The following CADM2 variants were observed in gnomAD, a reference collection of about 807,000 sequenced individuals.
CADM2 encodes cell adhesion molecule 2, also known as immunoglobulin superfamily member 4D.
In CADM2, 12 loss-of-function variants were observed where a neutral mutation model predicts 49.8. The ratio of observed to expected loss-of-function variants is 0.24; its 90% CI spans 0.15 to 0.39. CADM2 has a LOEUF of 0.39. Among genes scored for constraint, CADM2 ranks in the 10% least tolerant of loss-of-function variants. CADM2 has a pLI of 1.00. For synonymous variants in CADM2, 214 were observed against 175.4 expected (o/e 1.22, Z -1.74); for missense variants, 378 against 492.3 (o/e 0.77, Z 2.20).
chr3:85,803,433 G>T (rs1443111862), intron 3 of CADM2, among the ~76,000 whole-genome samples: 2 of 151,956 alleles, frequency 1.3e-5, no homozygotes, highest in Non-Finnish European at 2.9e-5. Flanking sequence ...ATGAACCAGG[G>T]ATAAAGGAAC....
chr3:85,835,876 T>A (rs2074388448), intron 3 of CADM2, among the ~76,000 whole-genome samples: 1 of 150,844 alleles, frequency 6.6e-6, no homozygotes, highest in South Asian at 2.1e-4. Context: ...TCTCATTAAT[T>A]AGGTCTTTTC....
At chr3:84,986,812 G>A (rs2032589097) in intron 1 of CADM2, among the ~76,000 whole-genome samples, 1 of 151,830 alleles carries the variant, frequency 6.6e-6, no homozygotes, top group East Asian at 2.0e-4. Flanking sequence ...TTGACTTTGG[G>A]AGCTTGAGGC....
At chr3:85,340,542 CAT>C (rs749465133) in intron 1 of CADM2, among the ~76,000 whole-genome samples, 4 of 151,284 alleles carry the variant, frequency 2.6e-5, no homozygotes, top group Non-Finnish European at 5.9e-5. Flanking sequence ...ATATTGAAAA[CAT>C]GTTTCTATTA....
intron 1 of CADM2, among the ~76,000 whole-genome samples, chr3:85,308,337 A>G (rs1265139121): frequency 6.7e-6 from 1 of 148,644 alleles, no homozygotes; most frequent in Non-Finnish European, 1.5e-5. Flanking sequence ...ACACACACAC[A>G]CACAACACTC....
At chr3:85,766,982 G>T (rs2069687999) in intron 2 of CADM2, among the ~76,000 whole-genome samples, 1 of 152,042 alleles carries the variant, frequency 6.6e-6, no homozygotes, top group African/African-American at 2.4e-5. Context: ...AGCTCCCACA[G>T]GGTATGAAAC....
intron 1 of CADM2, among the ~76,000 whole-genome samples, chr3:85,382,496 A>T (rs898467357): frequency 6.6e-6 from 1 of 152,186 alleles, no homozygotes; most frequent in African/African-American, 2.4e-5. Context: ...CTGACTCATG[A>T]TTACCGCATA....
chr3:85,394,680 T>G (rs879335302), intron 1 of CADM2, among the ~76,000 whole-genome samples: 4 of 152,208 alleles, frequency 2.6e-5, no homozygotes, highest in Non-Finnish European at 4.4e-5. Flanking sequence ...TTTTGTATTC[T>G]CTTCCTTGGA....
At chr3:85,358,072 G>A (rs1051566016) in intron 1 of CADM2, among the ~76,000 whole-genome samples, 2 of 152,032 alleles carry the variant, frequency 1.3e-5, no homozygotes, top group Non-Finnish European at 2.9e-5. Context: ...TGACATTTTG[G>A]CAGGAATATT....
chr3:85,453,754 A>C (rs1170184278), intron 1 of CADM2, among the ~76,000 whole-genome samples: 2 of 152,308 alleles, frequency 1.3e-5, no homozygotes, highest in East Asian at 3.9e-4. Context: ...GTATGAAATA[A>C]TTAGATTTAA....
At chr3:85,331,252 G>T (rs570028754) in intron 1 of CADM2, among the ~76,000 whole-genome samples, 1 of 151,672 alleles carries the variant, frequency 6.6e-6, no homozygotes, top group South Asian at 2.1e-4. Context: ...TTTTGTAAAC[G>T]TTAACCATTC....
In CADM2 at chr3:85,093,665, A is replaced by G. The variant is rs184071773; in HGVS notation, c.61+133997A>G. ...CTATAAAATAATATTTCCGAGCACT[A>G]GCCCAAAGTATTGCTCTTATGGCTA... is the stretch of plus-strand genomic sequence containing the variant. On this transcript the variant is annotated intron_variant, in intron 1 of 9. Transcript: ENST00000383699. 3.7e-3 allele frequency among the ~76,000 whole-genome samples: 562 copies of G among 152,284 alleles called. 6 individuals carry two copies. The highest frequency in any genetic ancestry group is 0.013 in the African/African-American group (530 of 41,564).
chr3:85,956,572 A>G lies in CADM2; in HGVS notation c.792-4897A>G, dbSNP rs543211134. 3.3e-5 allele frequency among the ~76,000 whole-genome samples: 5 copies of G among 151,694 alleles called. No homozygotes were observed. The South Asian group carries it at 1.0e-3, about 31-fold the overall frequency. ...AGGATCAAGAATTCTTGAAGGATTT[A>G]GATCAGTGTCAGCAAAGACTTACAC... On this transcript the variant is annotated intron_variant, in intron 7 of 9. Transcript: ENST00000383699.
At chr3:85,002,802 T>C (rs1386628024) in intron 1 of CADM2, among the ~76,000 whole-genome samples, 1 of 152,086 alleles carries the variant, frequency 6.6e-6, no homozygotes, top group African/African-American at 2.4e-5. Flanking sequence ...TTCTTTTTAT[T>C]AGAGACAGGG....
At chr3:85,059,647 G>A (rs1037202913) in intron 1 of CADM2, among the ~76,000 whole-genome samples, 1 of 152,108 alleles carries the variant, frequency 6.6e-6, no homozygotes, top group African/African-American at 2.4e-5. Context: ...TTCCTGTACT[G>A]CTCTCATGAT....
At chr3:85,022,084 G>A (rs915762592) in intron 1 of CADM2, among the ~76,000 whole-genome samples, 22 of 152,258 alleles carry the variant, frequency 1.4e-4, no homozygotes, top group Admixed American at 1.4e-3. Flanking sequence ...GAACAAAATG[G>A]CTTAAGAGCC....
chr3:85,272,055 G>T (rs2043255049), intron 1 of CADM2, among the ~76,000 whole-genome samples: 1 of 150,658 alleles, frequency 6.6e-6, no homozygotes, highest in Non-Finnish European at 1.5e-5. Flanking sequence ...ACTACTCAGA[G>T]AAAAATGCTG....
chr3:85,963,532 G>A (rs1216773972), intron 8 of CADM2, among the ~76,000 whole-genome samples: 1 of 151,880 alleles, frequency 6.6e-6, no homozygotes, highest in African/African-American at 2.4e-5. Flanking sequence ...AATTTTCCAA[G>A]TGCTTCTCTC....
At chr3:85,491,330 GA>G (rs965261234) in intron 1 of CADM2, among the ~76,000 whole-genome samples, 11 of 151,978 alleles carry the variant, frequency 7.2e-5, no homozygotes, top group African/African-American at 2.7e-4. Context: ...AGACAAAATA[GA>G]AAAAAATACC....
chr3:85,956,480 C>T (rs1374043058), intron 7 of CADM2, among the ~76,000 whole-genome samples: 1 of 151,508 alleles, frequency 6.6e-6, no homozygotes, highest in African/African-American at 2.4e-5. Flanking sequence ...TAAACTCTAA[C>T]CTCTATTTCA....
Sources: allele counts gnomAD v4.1 joint callset (sites outside exome capture counted in the v4.1 genomes callset), GRCh38; gene constraint gnomAD v4.1.1; transcripts MANE v1.5; gene names NCBI Gene and HGNC (gene_info 2026-07-23, HGNC 2026-07-21).